The following ZSWIM6 variants were observed in gnomAD, a reference collection of about 807,000 sequenced individuals.
ZSWIM6 encodes zinc finger SWIM domain-containing protein 6.
In ZSWIM6, 9 loss-of-function variants were observed where a neutral mutation model predicts 113.2. The ratio of observed to expected loss-of-function variants is 0.08; its 90% CI spans 0.05 to 0.14. ZSWIM6 has a LOEUF of 0.14. ZSWIM6 is among the 10% of genes least tolerant of loss of function. The probability of loss-of-function intolerance (pLI) is 1.00; values close to 1 mark genes in which losing one functional copy is unlikely to be tolerated. For synonymous variants in ZSWIM6, 611 were observed against 606.5 expected (o/e 1.01, Z -0.11); for missense variants, 1,162 against 1,552.2 (o/e 0.75, Z 4.22).
chr5:61,412,051 T>A (rs1404265260), intron 1 of ZSWIM6, among the ~76,000 whole-genome samples: 1 of 152,218 alleles, frequency 6.6e-6, no homozygotes, highest in Non-Finnish European at 1.5e-5. Context: ...GAAAAATTGA[T>A]CTTTGTTATG....
intron 12 of ZSWIM6, among the ~76,000 whole-genome samples, chr5:61,540,935 T>TTG (rs1554041225): frequency 3.1e-5 from 4 of 130,434 alleles, no homozygotes; most frequent in South Asian, 2.5e-4. Flanking sequence ...TTTTTTTTTT[T>TTG]TTGTTGTTGT....
intron 1 of ZSWIM6, among the ~76,000 whole-genome samples, chr5:61,370,305 CAT>C (rs1267513653): frequency 1.3e-5 from 2 of 152,184 alleles, no homozygotes; most frequent in East Asian, 1.9e-4. Context: ...CATTTTGAAA[CAT>C]GTGCAAGATA....
chr5:61,446,446 CAAT>C (rs1273166693), intron 1 of ZSWIM6, among the ~76,000 whole-genome samples: 2 of 152,160 alleles, frequency 1.3e-5, no homozygotes, highest in African/African-American at 4.8e-5. Context: ...GCATTTTCAT[CAAT>C]AACTCAGAAA....
At chr5:61,361,520 C>A (rs994019589) in intron 1 of ZSWIM6, among the ~76,000 whole-genome samples, 1 of 152,166 alleles carries the variant, frequency 6.6e-6, no homozygotes, top group Non-Finnish European at 1.5e-5. Flanking sequence ...AAGTTAGCAT[C>A]CCACTACAGA....
rs866617960 is a variant in ZSWIM6, at chr5:61,518,720, T to G, written c.1334-2543T>G. Among the ~76,000 whole-genome samples, 1,012 of 152,060 alleles carry G rather than the reference T, an allele frequency of 6.7e-3. 4 individuals carry two copies. Among genetic ancestry groups the G allele is most frequent in the South Asian group, 0.021 (99 of 4,824 alleles). ...GTCAGATGAGTAGGTTGCGAAAATT[T>G]TCTCCCATTTTGTAGGTTGCCTGTT... On this transcript the variant is annotated intron_variant, in intron 4 of 13. Transcript: ENST00000252744.
intron 1 of ZSWIM6, chr5:61,391,093 G>A: frequency 2.7e-6 from 2 of 741,522 alleles, no homozygotes; most frequent in Non-Finnish European, 5.0e-6. Flanking sequence ...GGCCACAGGG[G>A]CAGGATGCTG....
chr5:61,345,661 A>G (rs905196698), intron 1 of ZSWIM6, among the ~76,000 whole-genome samples: 2 of 152,208 alleles, frequency 1.3e-5, no homozygotes, highest in Non-Finnish European at 2.9e-5. Context: ...TTGCTTATCC[A>G]GTGAGTAGTG....
At chr5:61,539,477 T>G in intron 11 of ZSWIM6, 119 bp from the exon 12 acceptor site, 4 of 1,205,446 alleles carry the variant, frequency 3.3e-6, no homozygotes, top group Non-Finnish European at 4.5e-6. Context: ...GTGCTTTATG[T>G]TTTGTTTTGT....
intron 4 of ZSWIM6, among the ~76,000 whole-genome samples, chr5:61,495,829 A>G (rs1748300824): frequency 6.6e-6 from 1 of 152,184 alleles, no homozygotes; most frequent in African/African-American, 2.4e-5. Context: ...AAGGATTAGC[A>G]TTAAGAAAAC....
At chr5:61,381,741 A>G (rs1238009197) in intron 1 of ZSWIM6, among the ~76,000 whole-genome samples, 1 of 152,170 alleles carries the variant, frequency 6.6e-6, no homozygotes, top group African/African-American at 2.4e-5. Flanking sequence ...ATGCCACAAG[A>G]AGGGCTCTTT....
intron 2 of ZSWIM6, among the ~76,000 whole-genome samples, chr5:61,477,795 T>A (rs760901220): frequency 6.6e-6 from 1 of 152,256 alleles, no homozygotes; most frequent in Non-Finnish European, 1.5e-5. Context: ...TGTATCCTGA[T>A]AGCTTCTCTA....
At chr5:61,436,998 T>G (rs960833700) in intron 1 of ZSWIM6, among the ~76,000 whole-genome samples, 3 of 152,200 alleles carry the variant, frequency 2.0e-5, no homozygotes, top group Admixed American at 1.3e-4. Context: ...ATCTTGCCCT[T>G]CCTACCTCCT....
intron 1 of ZSWIM6, among the ~76,000 whole-genome samples, chr5:61,446,497 A>T (rs1746955705): frequency 6.6e-6 from 1 of 152,224 alleles, no homozygotes; most frequent in African/African-American, 2.4e-5. Context: ...CATTAAATTA[A>T]TCTTATTTAT....
intron 1 of ZSWIM6, among the ~76,000 whole-genome samples, chr5:61,388,813 T>C (rs1745643825): frequency 6.6e-6 from 1 of 152,206 alleles, no homozygotes; most frequent in South Asian, 2.1e-4. Flanking sequence ...AACCTTAAAA[T>C]GGAGATCCAT....
At chr5:61,424,450 ACCCTGGTCTCG>A (rs2112128175) in intron 1 of ZSWIM6, among the ~76,000 whole-genome samples, 1 of 152,312 alleles carries the variant, frequency 6.6e-6, no homozygotes, top group South Asian at 2.1e-4. Flanking sequence ...CGGGGCTCAG[ACCCTGGTCTCG>A]CCTAGGGAGA....
chr5:61,429,474 G>C (rs1397232060), intron 1 of ZSWIM6, among the ~76,000 whole-genome samples: 1 of 152,168 alleles, frequency 6.6e-6, no homozygotes, highest in Admixed American at 6.5e-5. Flanking sequence ...CCGAGATGAA[G>C]GAAATGAAGG....
intron 3 of ZSWIM6, among the ~76,000 whole-genome samples, 198 bp from the exon 4 acceptor site, chr5:61,494,062 A>G (rs1304117937): frequency 2.0e-5 from 3 of 151,764 alleles, no homozygotes; most frequent in African/African-American, 4.8e-5. Context: ...TTTAAATTTT[A>G]TATTTTGTTT....
chr5:61,458,604 G>A (rs896925921), intron 1 of ZSWIM6, among the ~76,000 whole-genome samples: 2 of 152,114 alleles, frequency 1.3e-5, no homozygotes, highest in Admixed American at 6.5e-5. Context: ...CAGGCTGGAC[G>A]CCGTGGCTCA....
intron 1 of ZSWIM6, among the ~76,000 whole-genome samples, chr5:61,363,988 CCCTT>C (rs1745098621): frequency 7.1e-6 from 1 of 140,858 alleles, no homozygotes; most frequent in South Asian, 2.4e-4. Context: ...CTCCCTCCCT[CCCTT>C]TCCTTCTTTC....
Sources: gnomAD v4.1 joint callset for allele counts (sites outside exome capture counted in the v4.1 genomes callset) on GRCh38, gnomAD v4.1.1 for gene constraint, MANE v1.5 for transcripts, NCBI Gene and HGNC (gene_info 2026-07-23, HGNC 2026-07-21) for gene names.